The following CALN1 variants were observed in gnomAD, a reference collection of about 807,000 sequenced individuals.
CALN1 encodes the protein calneuron 1.
A neutral mutation model predicts 30.6 loss-of-function variants in CALN1; 17 were observed. That is an observed-to-expected ratio of 0.56 (90% CI 0.38 to 0.83). The LOEUF (loss-of-function observed/expected upper bound fraction) is 0.83. Among genes scored for constraint, CALN1 ranks in the 40% least tolerant of loss-of-function variants. The pLI is 0.00. For synonymous variants in CALN1, 156 were observed against 131.4 expected, an observed-to-expected ratio of 1.19 and a Z score of -1.28; for missense variants, 291 against 354.9, an observed-to-expected ratio of 0.82 and a Z score of 1.45.
chr7:72,299,313 TA>T (rs1165125517), intron 2 of CALN1, among the ~76,000 whole-genome samples: 1 of 152,220 alleles, frequency 6.6e-6, no homozygotes, highest in Non-Finnish European at 1.5e-5. Context: ...TGTCCACTAT[TA>T]AATAACACTA....
At chr7:72,039,036 T>A (rs1478722548) in intron 4 of CALN1, among the ~76,000 whole-genome samples, 1 of 152,228 alleles carries the variant, frequency 6.6e-6, no homozygotes, top group African/African-American at 2.4e-5. Flanking sequence ...TCTCTTGGGG[T>A]CTGGATCAGG....
chr7:72,071,014 G>A (rs183563628), intron 4 of CALN1, among the ~76,000 whole-genome samples: 34 of 152,348 alleles, frequency 2.2e-4, no homozygotes, highest in Non-Finnish European at 4.1e-4. Flanking sequence ...CAACAATCAT[G>A]CTGGCAGAAT....
At chr7:72,284,924 T>C (rs1797983590) in intron 2 of CALN1, among the ~76,000 whole-genome samples, 1 of 152,102 alleles carries the variant, frequency 6.6e-6, no homozygotes, top group Non-Finnish European at 1.5e-5. Context: ...CCCACATTAA[T>C]GCACCTTCCT....
At chr7:71,971,997 A>AAGAAAGAAAGAAAG (rs1562946869) in intron 5 of CALN1, among the ~76,000 whole-genome samples, 11 of 143,706 alleles carry the variant, frequency 7.7e-5, no homozygotes, top group African/African-American at 2.9e-4. Flanking sequence ...AAGAAAGAGA[A>AAGAAAGAAAGAAAG]AGAAAGAAAA....
chr7:72,300,446 C>A (rs1316796392), intron 2 of CALN1, among the ~76,000 whole-genome samples: 2 of 149,728 alleles, frequency 1.3e-5, no homozygotes, highest in East Asian at 2.0e-4. Flanking sequence ...GAAAAAAAAA[C>A]AGTTAAAAAT....
intron 5 of CALN1, among the ~76,000 whole-genome samples, chr7:72,005,445 C>T (rs187092708): frequency 8.7e-4 from 133 of 152,280 alleles, no homozygotes; most frequent in Middle Eastern, 3.4e-3. Flanking sequence ...CCTCCCACCT[C>T]AGCTTCCCAG....
At chr7:71,883,511 GTAATAATGAGCAGGAAT>G (rs1792710214) in intron 5 of CALN1, among the ~76,000 whole-genome samples, 1 of 152,150 alleles carries the variant, frequency 6.6e-6, no homozygotes, top group African/African-American at 2.4e-5. Context: ...TGAGCAGGAA[GTAATAATGAGCAGGAAT>G]AAGGAGTTAG....
the CALN1 span, among the ~76,000 whole-genome samples, chr7:72,501,322 C>A: frequency 8.2e-6 from 1 of 122,400 alleles, no homozygotes; most frequent in Non-Finnish European, 1.6e-5. Context: ...CACTTGAGAC[C>A]AGGAGTTCAA....
At position 71,842,948 on chromosome 7, in the gene CALN1, G is replaced by T. The variant is rs111839656; in HGVS notation, c.502-32456C>A. Among the ~76,000 whole-genome samples the T allele has an allele frequency of 8.4e-3, 1,282 of 152,242 alleles. 23 individuals carry two copies. Among genetic ancestry groups the T allele is most frequent in the African/African-American group, 0.029 (1,204 of 41,540 alleles). ...CATGACTGTAAATCTGATTTACAAGGATTCTTGGAAAATCAGTGAAGGAAA... is the reference window on the plus strand; with the variant it reads ...CATGACTGTAAATCTGATTTACAAGTATTCTTGGAAAATCAGTGAAGGAAA... On this transcript the variant is annotated intron_variant, in intron 5 of 6. Transcript: ENST00000395275.
intron 5 of CALN1, among the ~76,000 whole-genome samples, chr7:72,001,436 T>C (rs900661621): frequency 3.3e-5 from 5 of 152,180 alleles, no homozygotes; most frequent in African/African-American, 1.2e-4. Flanking sequence ...AGTACACCCA[T>C]GTGTACTGTA....
chr7:72,135,557 T>C (rs1274391584), intron 3 of CALN1, among the ~76,000 whole-genome samples: 1 of 152,202 alleles, frequency 6.6e-6, no homozygotes, highest in Non-Finnish European at 1.5e-5. Flanking sequence ...GAGCAGTATT[T>C]CTCAACAGTG....
chr7:72,497,645 C>G, the CALN1 span, among the ~76,000 whole-genome samples: 3 of 152,292 alleles, frequency 2.0e-5, no homozygotes, highest in Admixed American at 2.0e-4. Flanking sequence ...AACTAAACTT[C>G]TGGGTGATCT....
chr7:72,403,458 A>G lies in CALN1; in HGVS notation c.-73-16T>C. 1 of 1,012,046 alleles carries G rather than the reference A, an allele frequency of 9.9e-7. No individual in the cohort carries two copies. Among genetic ancestry groups the G allele is most frequent in the South Asian group, 1.6e-5 (1 of 64,314 alleles). The allele number at this position is 1,012,046 out of a possible 1,614,324, so 62.7% of individuals were successfully genotyped here. A position where few individuals can be genotyped will look rare whatever the true frequency, so the allele number is the denominator to read the frequency against. ...CACTGAGACTCTGAAAGGAGTTGACAGAAACTTACAGCCTGCACAGTGCTG... is the reference window on the plus strand; with the variant it reads ...CACTGAGACTCTGAAAGGAGTTGACGGAAACTTACAGCCTGCACAGTGCTG... On this transcript the variant is annotated splice_polypyrimidine_tract_variant and intron_variant, in intron 1 of 6. Coordinates refer to ENST00000395275, the MANE Select transcript of CALN1 (RefSeq NM_031468.4).
rs1278686004 is a variant in CALN1, at chr7:72,403,330, T to C, written c.40A>G (p.Asn14Asp). 2 of 1,549,570 alleles carry C rather than the reference T, an allele frequency of 1.3e-6. No homozygotes were observed. Among genetic ancestry groups the C allele is most frequent in the Non-Finnish European group, 8.7e-7 (1 of 1,146,968 alleles). The change falls in exon 2 of 7, where the codon AAT becomes GAT. Residue 14 changes from asparagine to aspartate, a missense_variant. Transcript: ENST00000395275. ...PEQPGEGKPE[N>D]EKKGDGGALG... ...GCTCCTCCGTCCCCCTTTTTCTCAT[T>C]CTCGGGCTTCCCCTCTCCGGGTTGC... is the stretch of plus-strand genomic sequence containing the variant.
intron 2 of CALN1, among the ~76,000 whole-genome samples, chr7:72,388,542 T>C (rs914875061): frequency 1.2e-4 from 19 of 152,200 alleles, no homozygotes; most frequent in Non-Finnish European, 1.5e-5. Context: ...AAAATGCTAA[T>C]GGGCGATACT....
chr7:71,949,329 T>C (rs532015377), intron 5 of CALN1, among the ~76,000 whole-genome samples: 1 of 152,292 alleles, frequency 6.6e-6, no homozygotes, highest in African/African-American at 2.4e-5. Flanking sequence ...CTTTACTTCA[T>C]CCTCTTCATT....
At chr7:72,054,919 C>T (rs1336099177) in intron 4 of CALN1, among the ~76,000 whole-genome samples, 1 of 151,960 alleles carries the variant, frequency 6.6e-6, no homozygotes, top group African/African-American at 2.4e-5. Context: ...CAAAACAAAA[C>T]AAAACAAAAC....
intron 2 of CALN1, among the ~76,000 whole-genome samples, chr7:72,382,660 T>C (rs987997944): frequency 2.6e-5 from 4 of 152,188 alleles, no homozygotes; most frequent in African/African-American, 9.7e-5. Flanking sequence ...CTTCGGTCTT[T>C]ATGTACACAT....
At chr7:72,160,262 A>G (rs1294647668) in intron 3 of CALN1, among the ~76,000 whole-genome samples, 1 of 146,842 alleles carries the variant, frequency 6.8e-6, no homozygotes, top group Non-Finnish European at 1.5e-5. Context: ...ATTAAAGAAC[A>G]CTATTTATTT....
Sources: allele counts gnomAD v4.1 joint callset (sites outside exome capture counted in the v4.1 genomes callset), GRCh38; gene constraint gnomAD v4.1.1; transcripts MANE v1.5; gene names NCBI Gene and HGNC (gene_info 2026-07-23, HGNC 2026-07-21).